The following ADCY7 variants were observed in gnomAD, a reference collection of about 807,000 sequenced individuals.
The protein encoded by ADCY7 is adenylate cyclase type 7.
In ADCY7, 72 loss-of-function variants were observed where a neutral mutation model predicts 120.6. That is an observed-to-expected ratio of 0.60 (90% CI 0.49 to 0.73). The LOEUF (loss-of-function observed/expected upper bound fraction) is 0.73, where lower values mean the gene tolerates loss of function less well. Ranked by LOEUF, ADCY7 falls within the 30% of genes least tolerant of loss-of-function variation. The pLI, the probability that ADCY7 is intolerant of heterozygous loss-of-function variation, is 0.00. For missense variants in ADCY7, 1,227 were observed against 1,486.0 expected (o/e 0.83, Z 2.87); for synonymous variants, 661 against 628.0 (o/e 1.05, Z -0.78).
At chr16:50,305,999 A>C in intron 14 of ADCY7, 150 bp downstream of exon 14, 1 of 707,700 alleles carries the variant, frequency 1.4e-6, no homozygotes. Flanking sequence ...GGCGGGGGGC[A>C]GGGGCGGGGC....
intron 1 of ADCY7, among the ~76,000 whole-genome samples, chr16:50,278,354 A>G (rs2034035049): frequency 6.6e-6 from 1 of 152,140 alleles, no homozygotes. Flanking sequence ...CCAAATGTTT[A>G]ACAGTCATTT....
intron 5 of ADCY7, 86 bp from the exon 6 acceptor site, chr16:50,293,268 A>G: frequency 6.7e-7 from 1 of 1,495,286 alleles, no homozygotes; most frequent in Admixed American, 1.7e-5. Context: ...CAGGTCTGGG[A>G]CCTGATGCTA....
chr16:50,295,204 A>C (rs2035266640), intron 7 of ADCY7, among the ~76,000 whole-genome samples: 1 of 152,036 alleles, frequency 6.6e-6, no homozygotes, highest in Non-Finnish European at 1.5e-5. Context: ...TGTGAGATGG[A>C]GTCTCATTCT....
chr16:50,309,506 C>T lies in ADCY7; in HGVS notation c.2062-42C>T, dbSNP rs185116876. 918 of 1,548,940 alleles carry T rather than the reference C, an allele frequency of 5.9e-4. 5 individuals are homozygous for T. Among genetic ancestry groups the T allele is most frequent in the African/African-American group, 5.7e-3 (420 of 73,574 alleles). On this transcript the variant is annotated intron_variant, in intron 17 of 25. Transcript: ENST00000673801. Reference sequence around the variant, plus strand: ...CTTGCATGGCTTGGGCAGGTTCCAGCGTTCTTGTCCCTGGACTGATGGGGA... The same window carrying T: ...CTTGCATGGCTTGGGCAGGTTCCAGTGTTCTTGTCCCTGGACTGATGGGGA...
At chr16:50,276,076 C>T (rs1014213932) in intron 1 of ADCY7, among the ~76,000 whole-genome samples, 2 of 152,200 alleles carry the variant, frequency 1.3e-5, no homozygotes, top group East Asian at 1.9e-4. Context: ...GCCGAGGACC[C>T]GACTCTGCCT....
intron 21 of ADCY7, 56 bp from the exon 22 acceptor site, chr16:50,312,834 T>C: frequency 2.0e-6 from 3 of 1,478,258 alleles, no homozygotes; most frequent in East Asian, 2.4e-5. Context: ...GCCTTGCCAC[T>C]CTTCCTGTCC....
chr16:50,316,506 G>C lies in ADCY7; in HGVS notation c.*1001G>C, dbSNP rs1257560092. The C allele has an allele frequency of 1.3e-5, 2 of 152,358 alleles. No homozygotes were observed. Among genetic ancestry groups the C allele is most frequent in the Admixed American group, 6.5e-5 (1 of 15,284 alleles). 9.4% of individuals were successfully genotyped at this position (152,358 alleles called of 1,614,324 possible). A position where few individuals can be genotyped will look rare whatever the true frequency, so the allele number is the denominator to read the frequency against. ...TTTAGAGACAACTTGGACAACCTGT[G>C]AGTGCATCTCTTCTTTCCTTTAGTC... On this transcript the variant is annotated 3_prime_UTR_variant, in exon 26 of 26. Coordinates refer to ENST00000673801, the MANE Select transcript of ADCY7 (RefSeq NM_001114.5).
At chr16:50,286,059 C>T (rs79514452) in intron 1 of ADCY7, among the ~76,000 whole-genome samples, 85 of 152,080 alleles carry the variant, frequency 5.6e-4, no homozygotes, top group East Asian at 2.3e-3. Flanking sequence ...CTGTGAAGCA[C>T]GGCTTGCAGA....
intron 1 of ADCY7, among the ~76,000 whole-genome samples, chr16:50,258,527 G>GCA (rs201522268): frequency 2.6e-4 from 1 of 3,840 alleles, no homozygotes; most frequent in Non-Finnish European, 7.9e-3. Flanking sequence ...TTTCTGGGAG[G>GCA]CACGTGGTCT....
At chr16:50,278,320 C>T (rs9939082) in intron 1 of ADCY7, among the ~76,000 whole-genome samples, 70,914 of 151,988 alleles carry the variant, frequency 0.47, 17,209 homozygotes, top group Non-Finnish European at 0.55. Flanking sequence ...AGATTACAGG[C>T]GTGAGCCACC....
chr16:50,294,576 G>A, intron 6 of ADCY7, 64 bp from the exon 7 acceptor site: 2 of 1,090,200 alleles, frequency 1.8e-6, no homozygotes, highest in Admixed American at 4.1e-5. Flanking sequence ...AGTCCTGCGT[G>A]CTCCTGCTGC....
At chr16:50,269,570 T>C (rs560299728) in intron 1 of ADCY7, among the ~76,000 whole-genome samples, 2 of 152,190 alleles carry the variant, frequency 1.3e-5, no homozygotes, top group Admixed American at 1.3e-4. Context: ...GGTTGGGTCA[T>C]GCCTTAGCCA....
intron 1 of ADCY7, among the ~76,000 whole-genome samples, chr16:50,251,247 AAAAG>A (rs2032748368): frequency 6.6e-6 from 1 of 152,142 alleles, no homozygotes; most frequent in Non-Finnish European, 1.5e-5. Context: ...TTTAAAAAAA[AAAAG>A]AAAGAAAAAG....
chr16:50,303,914 C>T (rs1046735805), intron 10 of ADCY7, among the ~76,000 whole-genome samples: 2 of 152,126 alleles, frequency 1.3e-5, no homozygotes, highest in Non-Finnish European at 2.9e-5. Flanking sequence ...GGGTAGGATG[C>T]CTGTGGCTTT....
intron 7 of ADCY7, 140 bp from the exon 8 acceptor site, chr16:50,298,764 C>T: frequency 8.1e-7 from 1 of 1,234,548 alleles, no homozygotes; most frequent in East Asian, 2.4e-5. Flanking sequence ...CCAGAAGTGG[C>T]TCCTGGTGAC....
chr16:50,315,715 C>A lies in ADCY7; in HGVS notation c.*210C>A. On this transcript the variant is annotated 3_prime_UTR_variant, in exon 26 of 26. Transcript: ENST00000673801. ...CTGAGCCATAATGCGCAGGGGAGGCCAGAAGCTCTGTGCCTGGTCTGTAAC... is the reference window on the plus strand; with the variant it reads ...CTGAGCCATAATGCGCAGGGGAGGCAAGAAGCTCTGTGCCTGGTCTGTAAC... The A allele has an allele frequency of 1.8e-6, 1 of 558,832 alleles. No homozygotes were observed. The highest frequency in any genetic ancestry group is 3.1e-6 in the Non-Finnish European group (1 of 324,086). The allele number at this position is 558,832 out of a possible 1,614,324, so 34.6% of individuals were successfully genotyped here.
upstream of ADCY7, among the ~76,000 whole-genome samples, chr16:50,261,952 C>A (rs977374734): frequency 4.6e-5 from 7 of 152,158 alleles, no homozygotes; most frequent in Non-Finnish European, 1.0e-4. Context: ...TATCCCCTGG[C>A]CCCTACAGAG....
At chr16:50,296,674 G>T (rs778137394) in intron 7 of ADCY7, among the ~76,000 whole-genome samples, 1 of 152,068 alleles carries the variant, frequency 6.6e-6, no homozygotes, top group Non-Finnish European at 1.5e-5. Flanking sequence ...TAAGAGCCCC[G>T]CAGGTGTCTC....
At chr16:50,257,826 T>G (rs1274534510) in intron 1 of ADCY7, among the ~76,000 whole-genome samples, 1 of 151,928 alleles carries the variant, frequency 6.6e-6, no homozygotes, top group Non-Finnish European at 1.5e-5. Flanking sequence ...CACTGCAACC[T>G]CTACCTCCCA....
Sources: allele counts gnomAD v4.1 joint callset (sites outside exome capture counted in the v4.1 genomes callset), GRCh38; gene constraint gnomAD v4.1.1; transcripts MANE v1.5; gene names NCBI Gene and HGNC (gene_info 2026-07-23, HGNC 2026-07-21).